NRXN3: variants seen among roughly 807,000 people sequenced by gnomAD.
NRXN3 encodes the protein neurexin III.
A neutral mutation model predicts 137.6 loss-of-function variants in NRXN3; 32 were observed. That is an observed-to-expected ratio of 0.23 (90% CI 0.18 to 0.31). The LOEUF (loss-of-function observed/expected upper bound fraction) is 0.31. Among genes scored for constraint, NRXN3 ranks in the 10% least tolerant of loss-of-function variants. NRXN3 has a pLI of 1.00. For missense variants in NRXN3, 1,574 were observed against 2,062.5 expected (o/e 0.76, Z 4.59); for synonymous variants, 798 against 784.5 (o/e 1.02, Z -0.29).
At chr14:79,833,433 A>G (rs2099328915) in intron 20 of NRXN3, among the ~76,000 whole-genome samples, 1 of 152,116 alleles carries the variant, frequency 6.6e-6, no homozygotes, top group Non-Finnish European at 1.5e-5. Context: ...TCGTAGGTAT[A>G]TATAACTCTG....
intron 15 of NRXN3, among the ~76,000 whole-genome samples, chr14:79,131,216 G>T (rs1481030301): frequency 1.3e-5 from 2 of 152,180 alleles, no homozygotes; most frequent in African/African-American, 4.8e-5. Context: ...TTCCATTGCT[G>T]GTGAGGAACT....
At chr14:79,333,269 A>G (rs570389670) in intron 15 of NRXN3, among the ~76,000 whole-genome samples, 158 of 151,764 alleles carry the variant, frequency 1.0e-3, no homozygotes, top group African/African-American at 3.7e-3. Context: ...CTTTAGGTTC[A>G]GCCTGATTCC....
chr14:79,288,298 T>C (rs548446800), intron 15 of NRXN3, among the ~76,000 whole-genome samples: 10 of 152,356 alleles, frequency 6.6e-5, no homozygotes, highest in Admixed American at 2.0e-4. Context: ...AGGAGCTCTA[T>C]GTTATGTTTA....
intron 20 of NRXN3, among the ~76,000 whole-genome samples, chr14:79,838,394 C>T (rs1408800582): frequency 1.3e-5 from 2 of 152,126 alleles, no homozygotes; most frequent in African/African-American, 2.4e-5. Flanking sequence ...TCCAGGGTTT[C>T]CCCACGCTGA....
chr14:79,842,127 T>C (rs1396144193), intron 20 of NRXN3, among the ~76,000 whole-genome samples: 4 of 152,338 alleles, frequency 2.6e-5, no homozygotes, highest in African/African-American at 9.6e-5. Context: ...TCCTGAGTTA[T>C]TACTATGTGC....
intron 4 of NRXN3, among the ~76,000 whole-genome samples, chr14:78,594,692 C>T (rs972364436): frequency 6.6e-6 from 1 of 152,164 alleles, no homozygotes; most frequent in East Asian, 1.9e-4. Flanking sequence ...TTGGCAATGT[C>T]CGCTACGAAG....
intron 16 of NRXN3, among the ~76,000 whole-genome samples, chr14:79,644,022 G>A (rs566826794): frequency 7.4e-6 from 1 of 135,432 alleles, no homozygotes; most frequent in African/African-American, 2.4e-5. Context: ...CACATAGTGT[G>A]TGCCAAAAAA....
chr14:79,112,039 A>C (rs1596076251), intron 15 of NRXN3, among the ~76,000 whole-genome samples: 1 of 152,256 alleles, frequency 6.6e-6, no homozygotes, highest in South Asian at 2.1e-4. Context: ...CAATATCCAC[A>C]AAACCTAATA....
At chr14:78,831,252 C>T (rs761757942) in intron 10 of NRXN3, among the ~76,000 whole-genome samples, 10 of 152,020 alleles carry the variant, frequency 6.6e-5, no homozygotes, top group Non-Finnish European at 1.0e-4. Flanking sequence ...ACGCAAGCCA[C>T]GATTCTCACT....
intron 15 of NRXN3, among the ~76,000 whole-genome samples, chr14:79,250,749 G>T (rs1022867012): frequency 6.6e-6 from 1 of 152,170 alleles, no homozygotes; most frequent in Non-Finnish European, 1.5e-5. Context: ...CAGTGCCTTG[G>T]TAACACACAG....
intron 15 of NRXN3, among the ~76,000 whole-genome samples, chr14:79,028,055 A>C (rs2099601423): frequency 6.6e-6 from 1 of 152,172 alleles, no homozygotes; most frequent in African/African-American, 2.4e-5. Flanking sequence ...TATGAGGAAA[A>C]TTTGAAATAA....
chr14:79,026,950 TTATATATATATATATATATATA>T lies in NRXN3; in HGVS notation c.3262+38843_3262+38864del, dbSNP rs764640398. Among the ~76,000 whole-genome samples, 926 of 135,048 alleles carry T rather than the reference TTATATATATATATATATATATA, an allele frequency of 6.9e-3. 20 individuals are homozygous for T. Among genetic ancestry groups the T allele is most frequent in the African/African-American group, 0.025 (825 of 32,910 alleles). The allele number at this position is 135,048 out of a possible 152,430, so 88.6% of individuals were successfully genotyped here. A position where few individuals can be genotyped will look rare whatever the true frequency, so the allele number is the denominator to read the frequency against. ...ATATATATATATAACTATTATAATT[TTATATATATATATATATATATA>T]TATATATATATATATATATATATAT... On this transcript the variant is annotated intron_variant, in intron 15 of 20. Coordinates refer to ENST00000335750, the MANE Select transcript of NRXN3 (RefSeq NM_001330195.2).
chr14:78,415,246 A>C (rs1280903057), intron 4 of NRXN3, among the ~76,000 whole-genome samples: 1 of 152,218 alleles, frequency 6.6e-6, no homozygotes, highest in Non-Finnish European at 1.5e-5. Flanking sequence ...GCATGTATAC[A>C]AAATGCCTAT....
chr14:78,513,203 G>C (rs1261631932), intron 4 of NRXN3, among the ~76,000 whole-genome samples: 1 of 152,174 alleles, frequency 6.6e-6, no homozygotes, highest in African/African-American at 2.4e-5. Flanking sequence ...AGCTCTGTGT[G>C]ATCTTGCACA....
Position 79,667,801 on chromosome 14 carries a change from G to T in NRXN3, c.3616+3852G>T, listed in dbSNP as rs565490447. On this transcript the variant is annotated intron_variant, in intron 17 of 20. Transcript: ENST00000335750. Reference sequence around the variant, plus strand: ...AATGCGGTGGTAGGAACAAGGGAGGGGGGGTGAAAGGTGACTTGAGTATGA... The same window carrying T: ...AATGCGGTGGTAGGAACAAGGGAGGTGGGGTGAAAGGTGACTTGAGTATGA... Among the ~76,000 whole-genome samples the T allele has an allele frequency of 9.2e-5, 14 of 152,046 alleles. No homozygotes were observed. In the South Asian group the frequency reaches 1.0e-3, roughly 11 times the overall value.
chr14:78,665,664 C>T (rs1359117500), intron 6 of NRXN3, among the ~76,000 whole-genome samples: 4 of 152,122 alleles, frequency 2.6e-5, no homozygotes, highest in Non-Finnish European at 5.9e-5. Flanking sequence ...AAGTAGCACT[C>T]AGTTACACAC....
intron 20 of NRXN3, among the ~76,000 whole-genome samples, chr14:79,832,283 T>C (rs1035947188): frequency 2.0e-5 from 3 of 152,162 alleles, no homozygotes; most frequent in African/African-American, 7.2e-5. Context: ...ATATTATCTA[T>C]GTTAGTGATG....
intron 4 of NRXN3, among the ~76,000 whole-genome samples, chr14:78,484,678 A>G (rs1238117628): frequency 1.3e-5 from 2 of 152,068 alleles, no homozygotes; most frequent in Non-Finnish European, 2.9e-5. Context: ...TCATAATGGG[A>G]GGTAAAAGGT....
At chr14:79,558,595 G>C (rs1287716185) in intron 16 of NRXN3, among the ~76,000 whole-genome samples, 1 of 149,086 alleles carries the variant, frequency 6.7e-6, no homozygotes, top group Non-Finnish European at 1.5e-5. Flanking sequence ...GCTCTCAACA[G>C]TAGGCTTAAA....
Sources: gnomAD v4.1 joint callset for allele counts (sites outside exome capture counted in the v4.1 genomes callset) on GRCh38, gnomAD v4.1.1 for gene constraint, MANE v1.5 for transcripts, NCBI Gene and HGNC (gene_info 2026-07-23, HGNC 2026-07-21) for gene names.